ABCC4: variants seen among roughly 807,000 people sequenced by gnomAD.
The protein encoded by ABCC4 is ATP-binding cassette sub-family C member 4.
In ABCC4, 102 loss-of-function variants were observed where a neutral mutation model predicts 168.5. The observed-to-expected ratio is 0.61, with a 90% confidence interval of 0.52 to 0.71. The LOEUF (loss-of-function observed/expected upper bound fraction) is 0.71. ABCC4 is among the 30% of genes least tolerant of loss of function. The probability of loss-of-function intolerance (pLI) is 0.00; values close to 1 mark genes in which losing one functional copy is unlikely to be tolerated. For synonymous variants in ABCC4, 617 were observed against 590.7 expected, an observed-to-expected ratio of 1.04 and a Z score of -0.65; for missense variants, 1,402 against 1,605.8, an observed-to-expected ratio of 0.87 and a Z score of 2.17.
intron 19 of ABCC4, among the ~76,000 whole-genome samples, chr13:95,131,272 CAA>C (rs1262459405): frequency 3.9e-5 from 6 of 152,100 alleles, no homozygotes; most frequent in Non-Finnish European, 8.8e-5. Flanking sequence ...GGAAAGGCGA[CAA>C]GAGGGGACGC....
intron 1 of ABCC4, among the ~76,000 whole-genome samples, chr13:95,256,338 G>A (rs1357831817): frequency 2.6e-5 from 4 of 152,202 alleles, no homozygotes; most frequent in Non-Finnish European, 4.4e-5. Context: ...AGGATCTGAC[G>A]ACTAGCCAGA....
chr13:95,298,061 G>T (rs957994249), intron 1 of ABCC4, among the ~76,000 whole-genome samples: 1 of 152,146 alleles, frequency 6.6e-6, no homozygotes, highest in African/African-American at 2.4e-5. Flanking sequence ...GGCCAAGGCG[G>T]GCAGATCACC....
At chr13:95,224,503 A>G (rs2039399931) in intron 4 of ABCC4, among the ~76,000 whole-genome samples, 1 of 152,154 alleles carries the variant, frequency 6.6e-6, no homozygotes, top group Non-Finnish European at 1.5e-5. Context: ...TTGGGAGGCC[A>G]AGGCAGGCAG....
At chr13:95,087,816 G>C (rs182566366) in intron 20 of ABCC4, among the ~76,000 whole-genome samples, 15 of 152,238 alleles carry the variant, frequency 9.9e-5, no homozygotes, top group African/African-American at 3.1e-4. Flanking sequence ...GTCAACTCTG[G>C]TTCCCAGGTC....
In ABCC4 at chr13:95,023,479, A is replaced by G. The variant is rs537932168; in HGVS notation, c.3871-1797T>C. ...CTTTTAGCAAAGCCCTCATGTTGTA[A>G]GCTATGTCTGGGATAGACAGGTCCA... On this transcript the variant is annotated intron_variant, in intron 30 of 30. Coordinates refer to ENST00000645237, the MANE Select transcript of ABCC4 (RefSeq NM_005845.5). Among the ~76,000 whole-genome samples, 21 of 152,298 alleles carry G rather than the reference A, an allele frequency of 1.4e-4. No individual in the cohort carries two copies. The South Asian group carries it at 4.3e-3, about 32-fold the overall frequency.
intron 30 of ABCC4, among the ~76,000 whole-genome samples, chr13:95,029,209 TATATAGAGAGAG>T (rs2031727744): frequency 2.0e-5 from 1 of 49,442 alleles, no homozygotes; most frequent in African/African-American, 7.7e-5. Context: ...TATATATATA[TATATAGAGAGAG>T]AGAGAGAGAG....
chr13:95,166,439 C>T (rs2037274446), intron 14 of ABCC4, 72 bp from the exon 15 acceptor site: 1 of 1,296,710 alleles, frequency 7.7e-7, no homozygotes, highest in Non-Finnish European at 1.1e-6. Context: ...TAATTCTAAT[C>T]CAGAAAAAGT....
In ABCC4 at chr13:95,129,320, C is replaced by T. The variant is rs186543943; in HGVS notation, c.2456-13319G>A. Among the ~76,000 whole-genome samples, 68 of 152,194 alleles carry T rather than the reference C, an allele frequency of 4.5e-4. 1 individual carries two copies. The East Asian group carries it at 7.3e-3, about 16-fold the overall frequency. On this transcript the variant is annotated intron_variant, in intron 19 of 30. Transcript: ENST00000645237. Reference sequence around the variant, plus strand: ...CTGGCACAAGTTTACTGGATAATTGCCAATCATATTAAAGCATAAAGGTAG... The same window carrying T: ...CTGGCACAAGTTTACTGGATAATTGTCAATCATATTAAAGCATAAAGGTAG...
intron 1 of ABCC4, among the ~76,000 whole-genome samples, chr13:95,283,840 G>C (rs995807265): frequency 2.0e-5 from 3 of 147,982 alleles, no homozygotes; most frequent in African/African-American, 7.5e-5. Flanking sequence ...AGAGGTTGCC[G>C]TGAGCCGAGA....
intron 20 of ABCC4, among the ~76,000 whole-genome samples, chr13:95,093,914 T>C (rs1432499757): frequency 6.6e-6 from 1 of 152,000 alleles, no homozygotes; most frequent in African/African-American, 2.4e-5. Flanking sequence ...ACTAAACCCC[T>C]TTTACAATAG....
intron 26 of ABCC4, among the ~76,000 whole-genome samples, chr13:95,060,704 T>C (rs1324716236): frequency 6.6e-6 from 1 of 152,252 alleles, no homozygotes; most frequent in African/African-American, 2.4e-5. Context: ...AGGGATACTT[T>C]TTTTTCTTTA....
At chr13:95,268,417 C>T (rs117249875) in intron 1 of ABCC4, among the ~76,000 whole-genome samples, 2 of 152,042 alleles carry the variant, frequency 1.3e-5, no homozygotes, top group African/African-American at 4.8e-5. Flanking sequence ...AAGACCTGAC[C>T]GTACCCCTGC....
chr13:95,024,840 G>C (rs2031309723), intron 30 of ABCC4, among the ~76,000 whole-genome samples: 1 of 152,026 alleles, frequency 6.6e-6, no homozygotes, highest in African/African-American at 2.4e-5. Context: ...GAACATCAAA[G>C]ATATTCATTA....
chr13:95,176,573 A>G (rs1000962620), intron 13 of ABCC4, among the ~76,000 whole-genome samples: 6 of 152,194 alleles, frequency 3.9e-5, no homozygotes, highest in African/African-American at 1.4e-4. Flanking sequence ...TTTCCCATGC[A>G]CTTAGTCTTG....
chr13:95,089,475 A>G (rs556340123), intron 20 of ABCC4, among the ~76,000 whole-genome samples: 5 of 152,054 alleles, frequency 3.3e-5, no homozygotes, highest in African/African-American at 9.7e-5. Flanking sequence ...AAATTTAGCT[A>G]GGCGTGGTCA....
At chr13:95,238,123 A>G (rs1387405421) in intron 3 of ABCC4, among the ~76,000 whole-genome samples, 1 of 143,574 alleles carries the variant, frequency 7.0e-6, no homozygotes, top group Non-Finnish European at 1.5e-5. Flanking sequence ...TGAACCCAGG[A>G]GGTAAGGCTG....
chr13:95,232,193 C>T (rs1479998095), intron 4 of ABCC4, among the ~76,000 whole-genome samples: 1 of 151,348 alleles, frequency 6.6e-6, no homozygotes, highest in Admixed American at 6.6e-5. Context: ...TGTGTACAAG[C>T]CTTGTTATCA....
intron 8 of ABCC4, among the ~76,000 whole-genome samples, chr13:95,202,844 G>A (rs1318694539): frequency 6.6e-6 from 1 of 151,764 alleles, no homozygotes; most frequent in Admixed American, 6.6e-5. Context: ...ATTTTTTGCA[G>A]AGGCGGGGTT....
chr13:95,194,848 A>G lies in ABCC4; in HGVS notation c.1251T>C (p.Ala417=), dbSNP rs2139643996. ...AAGGATATGTTACCTTATCCCAAAA[A>G]GCAGTAAAATCCTGCACATGCACCA... ...KKMVHVQDFT[A]FWDKASETPT... The change falls in exon 9 of 31, where the codon GCT becomes GCC. Residue 417 remains alanine, a synonymous_variant. Coordinates refer to ENST00000645237, the MANE Select transcript of ABCC4 (RefSeq NM_005845.5). 1.2e-6 allele frequency: 2 copies of G among 1,613,938 alleles called. No homozygotes were observed. Among genetic ancestry groups the G allele is most frequent in the East Asian group, 4.5e-5 (2 of 44,880 alleles).
Sources: gnomAD v4.1 joint callset for allele counts (sites outside exome capture counted in the v4.1 genomes callset) on GRCh38, gnomAD v4.1.1 for gene constraint, MANE v1.5 for transcripts, NCBI Gene and HGNC (gene_info 2026-07-23, HGNC 2026-07-21) for gene names.